Variants in NFIB observed in about 807,000 individuals in gnomAD.
NFIB encodes nuclear factor I B, also known as nuclear factor 1 B-type.
In NFIB, 11 loss-of-function variants were observed where a neutral mutation model predicts 61.5. The ratio of observed to expected loss-of-function variants is 0.18; its 90% CI spans 0.11 to 0.30. NFIB has a LOEUF of 0.30. Among genes scored for constraint, NFIB ranks in the 10% least tolerant of loss-of-function variants. The pLI is 1.00. For synonymous variants in NFIB, 260 were observed against 216.5 expected (o/e 1.20, Z -1.76); for missense variants, 471 against 608.9 (o/e 0.77, Z 2.38).
intron 2 of NFIB, among the ~76,000 whole-genome samples, chr9:14,248,546 C>T (rs942029894): frequency 3.3e-5 from 5 of 152,164 alleles, no homozygotes; most frequent in African/African-American, 1.2e-4. Flanking sequence ...CCTGGGATTA[C>T]AGGCATGAGC....
Position 14,385,166 on chromosome 9 carries a change from A to G in NFIB, c.108+13358T>C, listed in dbSNP as rs531676296. Among the ~76,000 whole-genome samples, 4 of 152,250 alleles carry G rather than the reference A, an allele frequency of 2.6e-5. No individual in the cohort carries two copies. The East Asian group carries it at 7.7e-4, about 29-fold the overall frequency. ...GATGGATTCTTATCTCATCCTCACA[A>G]AACTCCTGTGGGGGTTTGTGTCATT... On this transcript the variant is annotated intron_variant, in intron 1 of 8. Transcript: ENST00000380934.
the NFIB span, among the ~76,000 whole-genome samples, chr9:14,484,216 G>A: frequency 1.3e-5 from 2 of 152,214 alleles, no homozygotes; most frequent in African/African-American, 4.8e-5. Context: ...ACTAGACATA[G>A]AATAGTGAAC....
chr9:14,225,254 A>AT (rs1272584656), intron 2 of NFIB, among the ~76,000 whole-genome samples: 27 of 152,072 alleles, frequency 1.8e-4, no homozygotes, highest in African/African-American at 6.0e-4. Flanking sequence ...GCTATAAAAA[A>AT]ATATATAAAT....
At position 14,116,334 on chromosome 9, in the gene NFIB, C is replaced by A; in HGVS notation, c.1258G>T (p.Gly420Cys). Residue 420 changes from glycine to cysteine, a missense_variant, in exon 9 of 11, where the codon GGT (glycine) becomes TGT (cysteine). Physicochemically the swap from Gly to Cys is radical, Grantham distance 159 (BLOSUM62 -3). Coordinates refer to ENST00000380953, the MANE Select transcript of NFIB (RefSeq NM_001190737.2). ...SPQTSQPNGS[G>C]QVVGKVPGHF... is the part of the protein sequence containing the mutation. ...CCAGGCACTTTCCCTACTACTTGAC[C>A]ACTGCCGTTAGGCTACAAAACAAAA... 1 of 1,516,358 alleles carries A rather than the reference C, an allele frequency of 6.6e-7. No individual in the cohort carries two copies. Among genetic ancestry groups the A allele is most frequent in the Admixed American group, 2.2e-5 (1 of 45,544 alleles). The allele number at this position is 1,516,358 out of a possible 1,614,324, so 93.9% of individuals were successfully genotyped here.
rs1563770878 is a variant in NFIB, at chr9:14,088,076, T to TA, written c.*232dup. On this transcript the variant is annotated 3_prime_UTR_variant, in exon 11 of 11. Transcript: ENST00000380953. ...GTAAGTGCTGCAATTGCTGGTCTAT[T>TA]ATCTTCTTTCTTCAGTTTCTTTCCT... 3.3e-6 allele frequency: 3 copies of TA among 920,538 alleles called. No individual in the cohort carries two copies. The highest frequency in any genetic ancestry group is 4.4e-6 in the Non-Finnish European group (3 of 679,270). The allele number at this position is 920,538 out of a possible 1,614,324, so 57.0% of individuals were successfully genotyped here.
intron 1 of NFIB, among the ~76,000 whole-genome samples, chr9:14,346,179 C>T (rs540681342): frequency 6.6e-6 from 1 of 151,468 alleles, no homozygotes; most frequent in South Asian, 2.1e-4. Flanking sequence ...AAGAGACTTG[C>T]GGTGGGCGCC....
the NFIB span, among the ~76,000 whole-genome samples, chr9:14,439,600 C>G: frequency 1.9e-4 from 29 of 152,210 alleles, no homozygotes; most frequent in African/African-American, 7.0e-4. Context: ...AGCCTCAGGC[C>G]AGAAAGAGGG....
At chr9:14,158,640 A>C (rs2043755255) in intron 3 of NFIB, among the ~76,000 whole-genome samples, 1 of 152,242 alleles carries the variant, frequency 6.6e-6, no homozygotes, top group African/African-American at 2.4e-5. Flanking sequence ...ACAGGGTCAC[A>C]CATTAACATC....
chr9:14,242,537 G>C (rs570119628), intron 2 of NFIB, among the ~76,000 whole-genome samples: 1 of 152,314 alleles, frequency 6.6e-6, no homozygotes, highest in South Asian at 2.1e-4. Flanking sequence ...AATTGATTAA[G>C]CATCACAGAG....
At chr9:14,231,135 A>AAATATATATATATAT (rs55959148) in intron 2 of NFIB, among the ~76,000 whole-genome samples, 19 of 35,346 alleles carry the variant, frequency 5.4e-4, no homozygotes, top group East Asian at 8.5e-4. Context: ...AAAAAAAAAA[A>AAATATATATATATAT]ATATATATAT....
chr9:14,391,332 C>CT (rs1260992450), intron 1 of NFIB, among the ~76,000 whole-genome samples: 1 of 2,964 alleles, frequency 3.4e-4, no homozygotes, highest in East Asian at 0.083. Context: ...GCAGGAGATG[C>CT]CCCCCCCCCA....
At chr9:14,352,016 T>G (rs1201104193) in intron 1 of NFIB, among the ~76,000 whole-genome samples, 2 of 152,152 alleles carry the variant, frequency 1.3e-5, no homozygotes, top group East Asian at 3.9e-4. Context: ...AGTATATAGC[T>G]AACAATAAAC....
upstream of NFIB, among the ~76,000 whole-genome samples, chr9:14,402,838 G>A (rs1340522417): frequency 2.0e-5 from 3 of 152,104 alleles, no homozygotes; most frequent in South Asian, 2.1e-4. Flanking sequence ...TAACTCCAAC[G>A]TGCTCAGAAA....
intron 3 of NFIB, among the ~76,000 whole-genome samples, chr9:14,178,641 T>A (rs908847188): frequency 6.6e-6 from 1 of 152,190 alleles, no homozygotes; most frequent in African/African-American, 2.4e-5. Flanking sequence ...AACATAGGAC[T>A]CAGAAAAATA....
the NFIB span, among the ~76,000 whole-genome samples, chr9:14,484,455 T>C: frequency 1.3e-5 from 2 of 152,236 alleles, no homozygotes; most frequent in African/African-American, 2.4e-5. Context: ...AATCTTCTCA[T>C]CTACTTCTTT....
intron 2 of NFIB, among the ~76,000 whole-genome samples, chr9:14,267,466 A>G (rs1291445326): frequency 6.6e-6 from 1 of 152,188 alleles, no homozygotes; most frequent in Non-Finnish European, 1.5e-5. Flanking sequence ...TGACGTCACA[A>G]ATGAGTACTG....
chr9:14,110,942 G>A (rs536097074), intron 10 of NFIB, among the ~76,000 whole-genome samples: 1 of 152,100 alleles, frequency 6.6e-6, no homozygotes, highest in East Asian at 1.9e-4. Flanking sequence ...CAAATTATCT[G>A]TCTGCATGGT....
intron 2 of NFIB, among the ~76,000 whole-genome samples, chr9:14,256,360 GAAAT>G (rs1231932879): frequency 5.9e-5 from 9 of 152,002 alleles, no homozygotes; most frequent in Non-Finnish European, 1.0e-4. Context: ...TGCACATTTA[GAAAT>G]AAATAATTTT....
intron 2 of NFIB, among the ~76,000 whole-genome samples, chr9:14,191,940 A>C (rs1587473627): frequency 6.6e-6 from 1 of 152,318 alleles, no homozygotes; most frequent in African/African-American, 2.4e-5. Context: ...CCTCCAACAA[A>C]CACATACACA....
Sources: gnomAD v4.1 joint callset for allele counts (sites outside exome capture counted in the v4.1 genomes callset) on GRCh38, gnomAD v4.1.1 for gene constraint, MANE v1.5 for transcripts, NCBI Gene and HGNC (gene_info 2026-07-23, HGNC 2026-07-21) for gene names.